Variants in CACNA1C observed in about 807,000 individuals in gnomAD.
The protein encoded by CACNA1C is voltage-dependent L-type calcium channel subunit alpha-1C.
In CACNA1C, 30 loss-of-function variants were observed where a neutral mutation model predicts 229.0. The ratio of observed to expected loss-of-function variants is 0.13; its 90% CI spans 0.10 to 0.18. The LOEUF (loss-of-function observed/expected upper bound fraction) is 0.18. CACNA1C is among the 10% of genes least tolerant of loss of function. The pLI, the probability that CACNA1C is intolerant of heterozygous loss-of-function variation, is 1.00. For missense variants in CACNA1C, 1,658 were observed against 2,845.0 expected, an observed-to-expected ratio of 0.58 and a Z score of 9.49; for synonymous variants, 1,114 against 1,132.5, an observed-to-expected ratio of 0.98 and a Z score of 0.33.
intron 1 of CACNA1C, among the ~76,000 whole-genome samples, chr12:2,085,595 G>A (rs2067272131): frequency 6.6e-6 from 1 of 152,138 alleles, no homozygotes; most frequent in African/African-American, 2.4e-5. Context: ...GCTGTTCTAA[G>A]AGATTCTACC....
Position 2,677,353 on chromosome 12 carries a change from C to T in CACNA1C, c.4956+132C>T. On this transcript the variant is annotated intron_variant, in intron 40 of 46. Coordinates refer to ENST00000399655, the MANE Select transcript of CACNA1C (RefSeq NM_000719.7). This position sits in a 1 kb window ranked among gnomAD's most constrained non-coding sequence, Gnocchi z 7.4. ...GCAGAGGGAACCTTTCAGAGAGCTCCAGACCTTTCCAAAGATGGCTGTGAG... is the reference window on the plus strand; with the variant it reads ...GCAGAGGGAACCTTTCAGAGAGCTCTAGACCTTTCCAAAGATGGCTGTGAG... 2 of 997,686 alleles carry T rather than the reference C, an allele frequency of 2.0e-6. No individual in the cohort carries two copies. The highest frequency in any genetic ancestry group is 2.9e-6 in the Non-Finnish European group (2 of 693,922). The allele number at this position is 997,686 out of a possible 1,614,324, so 61.8% of individuals were successfully genotyped here.
At position 2,115,422 on chromosome 12, in the gene CACNA1C, G is replaced by A. The variant is rs774931483; in HGVS notation, c.248G>A (p.Arg83Gln). The change falls in exon 2 of 47, where the codon CGG becomes CAG. Residue 83 changes from arginine to glutamine, a missense_variant. Physicochemically the swap from Arg to Gln is conservative, Grantham distance 43. Around this residue, in one of 20 missense-constraint regions of CACNA1C, gnomAD observed 111 missense variants for 128.0 expected, o/e 0.87. Coordinates refer to ENST00000399655, the MANE Select transcript of CACNA1C (RefSeq NM_000719.7). ...ISTVSSTQRKRQQYGKPKKQG... is the reference protein window; with the variant it reads ...ISTVSSTQRKQQQYGKPKKQG... ...ACAGTCAGCTCCACGCAGCGGAAGC[G>A]GCAGCAATATGGGAAACCCAAGAAG... is the stretch of plus-strand genomic sequence containing the variant. 5.0e-6 allele frequency: 8 copies of A among 1,612,774 alleles called. No homozygotes were observed. Among genetic ancestry groups the A allele is most frequent in the Non-Finnish European group, 6.8e-6 (8 of 1,179,830 alleles).
At chr12:2,153,363 G>A (rs2095389974) in intron 3 of CACNA1C, among the ~76,000 whole-genome samples, 1 of 151,954 alleles carries the variant, frequency 6.6e-6, no homozygotes, top group Non-Finnish European at 1.5e-5. Flanking sequence ...CCATTTTAAA[G>A]TGGCATTGAG....
At chr12:2,476,296 T>C (rs2099627968) in intron 5 of CACNA1C, among the ~76,000 whole-genome samples, 1 of 152,254 alleles carries the variant, frequency 6.6e-6, no homozygotes. Context: ...AGTGTAGTTG[T>C]CATTTTGCCT....
At chr12:2,318,053 A>T (rs939501627) in intron 3 of CACNA1C, among the ~76,000 whole-genome samples, 1 of 152,178 alleles carries the variant, frequency 6.6e-6, no homozygotes, top group Non-Finnish European at 1.5e-5. Flanking sequence ...AGGGTCCAGG[A>T]CATTTGAAGG....
upstream of CACNA1C, among the ~76,000 whole-genome samples, chr12:2,052,723 T>C (rs1271535336): frequency 6.9e-6 from 1 of 145,224 alleles, no homozygotes; most frequent in African/African-American, 2.5e-5. Context: ...CCCGCTCCCT[T>C]TGACGTCATG....
At chr12:2,454,730 G>A (rs947088659) in intron 4 of CACNA1C, among the ~76,000 whole-genome samples, 6 of 152,016 alleles carry the variant, frequency 3.9e-5, no homozygotes, top group Non-Finnish European at 5.9e-5. Flanking sequence ...TGCTTTGTCC[G>A]CACTCCATTC....
intron 3 of CACNA1C, among the ~76,000 whole-genome samples, chr12:2,204,676 A>G (rs967685934): frequency 1.3e-5 from 2 of 150,532 alleles, no homozygotes; most frequent in African/African-American, 2.4e-5. Context: ...CATCATTCTC[A>G]GTAAACTATC....
At chr12:2,299,317 G>A (rs986518417) in intron 3 of CACNA1C, among the ~76,000 whole-genome samples, 1 of 152,080 alleles carries the variant, frequency 6.6e-6, no homozygotes, top group Non-Finnish European at 1.5e-5. Context: ...AGTGGTTCTC[G>A]TGCAGCCAAG....
intron 1 of CACNA1C, among the ~76,000 whole-genome samples, chr12:2,058,520 A>G (rs2056167980): frequency 6.6e-6 from 1 of 152,206 alleles, no homozygotes; most frequent in South Asian, 2.1e-4. Context: ...AGGAGAACAG[A>G]AGATTGGTTT....
At chr12:2,505,066 G>A in intron 8 of CACNA1C, 121 bp downstream of exon 8, 1 of 643,110 alleles carries the variant, frequency 1.6e-6, no homozygotes, top group Non-Finnish European at 2.8e-6. Flanking sequence ...GTCACCACAG[G>A]AGCCTTGAAG....
chr12:1,987,115 C>A, intron 1 of CACNA1C, among the ~76,000 whole-genome samples: 1 of 152,174 alleles, frequency 6.6e-6, no homozygotes, highest in East Asian at 1.9e-4. Context: ...AAAGAACTTA[C>A]AGGAACTCCC....
At chr12:2,362,392 T>C (rs1270491014) in intron 3 of CACNA1C, among the ~76,000 whole-genome samples, 1 of 152,216 alleles carries the variant, frequency 6.6e-6, no homozygotes, top group Non-Finnish European at 1.5e-5. Context: ...GGCCTGTGGC[T>C]CGGGATACTT....
rs1458525180 is a variant in CACNA1C, at chr12:2,608,837, C to T, written c.3558+125C>T. 2 of 920,808 alleles carry T rather than the reference C, an allele frequency of 2.2e-6. No homozygotes were observed. Among genetic ancestry groups the T allele is most frequent in the Non-Finnish European group, 1.6e-6 (1 of 608,120 alleles). The allele number at this position is 920,808 out of a possible 1,614,324, so 57.0% of individuals were successfully genotyped here. On this transcript the variant is annotated intron_variant, in intron 27 of 46. Coordinates refer to ENST00000399655, the MANE Select transcript of CACNA1C (RefSeq NM_000719.7). The surrounding 1 kb of genome is among the most constrained non-coding windows in gnomAD (Gnocchi z 4.2). ...AGATACTGAGATCGTCTCTCTATTC[C>T]TCAACCAGAGTGGGCTGTCAGTCTT...
chr12:2,385,529 C>T (rs574505480), intron 3 of CACNA1C, among the ~76,000 whole-genome samples: 1 of 152,322 alleles, frequency 6.6e-6, no homozygotes, highest in South Asian at 2.1e-4. Context: ...CATGACCTCC[C>T]TCCCTCTGTA....
chr12:2,323,028 C>G (rs573685071), intron 3 of CACNA1C, among the ~76,000 whole-genome samples: 7 of 152,294 alleles, frequency 4.6e-5, no homozygotes, highest in Non-Finnish European at 8.8e-5. Context: ...CTTTCTTGTC[C>G]TCTCCATTTA....
chr12:2,572,015 A>G (rs2054722799), intron 13 of CACNA1C, among the ~76,000 whole-genome samples: 1 of 148,102 alleles, frequency 6.8e-6, no homozygotes, highest in Admixed American at 6.9e-5. Flanking sequence ...GCTGCTACTC[A>G]TATGTAGAAG....
chr12:2,330,066 A>G (rs2154513696), intron 3 of CACNA1C, among the ~76,000 whole-genome samples: 2 of 152,354 alleles, frequency 1.3e-5, no homozygotes, highest in African/African-American at 4.8e-5. Flanking sequence ...GACAAGCTGA[A>G]CAGCTGTCGG....
At chr12:2,550,466 A>G in intron 10 of CACNA1C, 1 of 1,179,134 alleles carries the variant, frequency 8.5e-7, no homozygotes, top group Non-Finnish European at 1.1e-6. Flanking sequence ...GACCTGGGAG[A>G]GAAGCAGCCA....
Sources: allele counts gnomAD v4.1 joint callset (sites outside exome capture counted in the v4.1 genomes callset), GRCh38; gene constraint gnomAD v4.1.1; regional missense constraint gnomAD v4.1.1; non-coding constraint Gnocchi (gnomAD v3.1); transcripts MANE v1.5; gene names NCBI Gene and HGNC (gene_info 2026-07-23, HGNC 2026-07-21).